Variants in SIPA1L3 observed in about 807,000 individuals in gnomAD.
The protein encoded by SIPA1L3 is signal induced proliferation associated 1 like 3, also known as signal-induced proliferation-associated 1-like protein 3.
SIPA1L3 carries 59 observed loss-of-function variants against 150.1 expected under a neutral mutation model. The ratio of observed to expected loss-of-function variants is 0.39; its 90% CI spans 0.32 to 0.49. SIPA1L3 has a LOEUF of 0.49. Among genes scored for constraint, SIPA1L3 ranks in the 20% least tolerant of loss-of-function variants. The probability of loss-of-function intolerance (pLI) is 0.86; values close to 1 mark genes in which losing one functional copy is unlikely to be tolerated. For missense variants in SIPA1L3, 2,211 were observed against 2,489.5 expected (o/e 0.89, Z 2.38); for synonymous variants, 1,070 against 1,077.6 (o/e 0.99, Z 0.14).
Position 38,206,107 on chromosome 19 carries a change from A to T in SIPA1L3, c.5213A>T (p.Asp1738Val). 6.5e-7 allele frequency: 1 copy of T among 1,548,864 alleles called. No homozygotes were observed. Among genetic ancestry groups the T allele is most frequent in the East Asian group, 2.5e-5 (1 of 40,782 alleles). ...LHTDLQKEKQ[D>V]KVVLQSEVAS... ...TCCCACCCTGTGCAGGAGAAGCAGG[A>T]CAAGGTGGTGCTCCAGTCAGAGGTG... is the stretch of plus-strand genomic sequence containing the variant. Residue 1738 changes from aspartate to valine, a missense_variant, in exon 22 of 22, where the codon GAC becomes GTC. Asp to Val is a radical substitution (Grantham distance 152). Transcript: ENST00000222345.
chr19:38,080,835 G>T (rs113392860), intron 2 of SIPA1L3, among the ~76,000 whole-genome samples: 15 of 152,060 alleles, frequency 9.9e-5, no homozygotes, highest in Non-Finnish European at 1.9e-4. Flanking sequence ...GCCGGGCATG[G>T]TAGCACATGC....
chr19:37,950,264 A>G (rs532497420), intron 1 of SIPA1L3, among the ~76,000 whole-genome samples: 1 of 152,230 alleles, frequency 6.6e-6, no homozygotes, highest in South Asian at 2.1e-4. Context: ...AAACTTAGGT[A>G]AAGGACTCAG....
chr19:38,206,554 A>G lies in SIPA1L3; in HGVS notation c.*314A>G, dbSNP rs1973220457. 4.0e-6 allele frequency: 1 copy of G among 249,338 alleles called. No homozygotes were observed. 15.4% of individuals were successfully genotyped at this position (249,338 alleles called of 1,614,324 possible). The stretch of plus-strand genomic sequence containing the variant: ...CCCCATCTAGCCTCTTCCTGGGACC[A>G]GCCCTTCGAAGCTGATGGGGACGGA... On this transcript the variant is annotated 3_prime_UTR_variant, in exon 22 of 22. Transcript: ENST00000222345.
chr19:38,196,661 A>C (rs1056856225), intron 18 of SIPA1L3, among the ~76,000 whole-genome samples: 6 of 148,666 alleles, frequency 4.0e-5, no homozygotes, highest in African/African-American at 1.0e-4. Flanking sequence ...GGGAAGAGCA[A>C]GGAGGCCAAG....
chr19:38,175,039 C>T (rs933545241), intron 15 of SIPA1L3, among the ~76,000 whole-genome samples: 5 of 152,124 alleles, frequency 3.3e-5, no homozygotes, highest in Non-Finnish European at 5.9e-5. Flanking sequence ...AATATCGTCT[C>T]TCAAACCAGA....
At chr19:38,036,825 C>T (rs1026680671) in intron 2 of SIPA1L3, among the ~76,000 whole-genome samples, 1 of 152,080 alleles carries the variant, frequency 6.6e-6, no homozygotes, top group Non-Finnish European at 1.5e-5. Flanking sequence ...TCCCCCCACT[C>T]GCCCCATCCC....
intron 14 of SIPA1L3, among the ~76,000 whole-genome samples, chr19:38,163,135 A>G (rs1972130027): frequency 6.6e-6 from 1 of 152,206 alleles, no homozygotes; most frequent in South Asian, 2.1e-4. Flanking sequence ...CCCTGTCCTC[A>G]GGAAGCTGAC....
intron 8 of SIPA1L3, among the ~76,000 whole-genome samples, chr19:38,116,920 A>G (rs1038853962): frequency 3.3e-5 from 5 of 152,236 alleles, no homozygotes; most frequent in African/African-American, 1.2e-4. Context: ...ATATTCTGGC[A>G]GGTGCCTTGG....
chr19:37,955,589 G>A (rs951229085), intron 1 of SIPA1L3, among the ~76,000 whole-genome samples: 11 of 152,084 alleles, frequency 7.2e-5, no homozygotes, highest in Non-Finnish European at 1.0e-4. Flanking sequence ...GTAGATTTGC[G>A]TTTCCTGAAC....
At chr19:38,023,375 T>A (rs1380721446) in intron 1 of SIPA1L3, among the ~76,000 whole-genome samples, 1 of 152,216 alleles carries the variant, frequency 6.6e-6, no homozygotes, top group African/African-American at 2.4e-5. Context: ...CATTATTGTG[T>A]GCTATTAATA....
At chr19:38,001,064 A>T (rs1599886457) in intron 1 of SIPA1L3, among the ~76,000 whole-genome samples, 1 of 151,232 alleles carries the variant, frequency 6.6e-6, no homozygotes, top group East Asian at 1.9e-4. Context: ...TATATATATC[A>T]CATATATATC....
intron 1 of SIPA1L3, among the ~76,000 whole-genome samples, chr19:38,010,154 A>G (rs1968062266): frequency 6.6e-6 from 1 of 152,160 alleles, no homozygotes; most frequent in Non-Finnish European, 1.5e-5. Context: ...TGATCTCAGC[A>G]CTTGAGGAAG....
intron 1 of SIPA1L3, among the ~76,000 whole-genome samples, chr19:37,953,175 T>C (rs1423380853): frequency 6.6e-6 from 1 of 152,168 alleles, no homozygotes; most frequent in Non-Finnish European, 1.5e-5. Context: ...ATCCTATCCA[T>C]AGAGGGGGCC....
At chr19:37,999,843 C>T (rs1053873537) in intron 1 of SIPA1L3, among the ~76,000 whole-genome samples, 1 of 152,108 alleles carries the variant, frequency 6.6e-6, no homozygotes, top group African/African-American at 2.4e-5. Context: ...GAACCTAGCC[C>T]TGAATGAAGC....
intron 2 of SIPA1L3, among the ~76,000 whole-genome samples, chr19:38,078,051 CA>C (rs1969886269): frequency 6.6e-6 from 1 of 152,184 alleles, no homozygotes; most frequent in African/African-American, 2.4e-5. Flanking sequence ...GATGATCTGA[CA>C]TCCATACTCC....
intron 11 of SIPA1L3, among the ~76,000 whole-genome samples, chr19:38,141,711 G>A (rs576768757): frequency 2.6e-5 from 4 of 152,292 alleles, no homozygotes; most frequent in African/African-American, 7.2e-5. Context: ...GGCTGGGCAC[G>A]GTGGCTCACG....
chr19:37,951,138 G>A lies in SIPA1L3; in HGVS notation c.-379+43780G>A, dbSNP rs192814020. The stretch of plus-strand genomic sequence containing the variant: ...GGATATGGCAGGGAATCTGGAATAT[G>A]CCCTTGAAACTGGAATTGTGTCTGT... On this transcript the variant is annotated intron_variant, in intron 1 of 21. Transcript: ENST00000222345. 2.0e-3 allele frequency among the ~76,000 whole-genome samples: 308 copies of A among 152,372 alleles called. 1 individual carries two copies. Among genetic ancestry groups the A allele is most frequent in the African/African-American group, 7.2e-3 (301 of 41,596 alleles).
At chr19:38,202,042 C>G in intron 20 of SIPA1L3, 45 bp downstream of exon 20, 1 of 1,561,596 alleles carries the variant, frequency 6.4e-7, no homozygotes. Flanking sequence ...AGCGGCAGGC[C>G]TGTGCAGTGG....
At chr19:38,142,747 T>G (rs1971621478) in intron 12 of SIPA1L3, 37 bp downstream of exon 12, 8 of 1,581,798 alleles carry the variant, frequency 5.1e-6, no homozygotes, top group Non-Finnish European at 6.9e-6. Context: ...TTAAGGGATC[T>G]GATGAAAGCT....
Sources: gnomAD v4.1 joint callset for allele counts (sites outside exome capture counted in the v4.1 genomes callset) on GRCh38, gnomAD v4.1.1 for gene constraint, MANE v1.5 for transcripts, NCBI Gene and HGNC (gene_info 2026-07-23, HGNC 2026-07-21) for gene names.